Variants in DNAH11 observed in about 807,000 individuals in gnomAD.
DNAH11 encodes dynein axonemal heavy chain 11.
In DNAH11, 442 loss-of-function variants were observed where a neutral mutation model predicts 526.0. That is an observed-to-expected ratio of 0.84 (90% CI 0.78 to 0.91). The LOEUF is 0.91. Ranked by LOEUF, DNAH11 falls within the 40% of genes least tolerant of loss-of-function variation. The pLI is 0.00. For missense variants in DNAH11, 6,989 were observed against 5,448.7 expected, an observed-to-expected ratio of 1.28 and a Z score of -8.90; for synonymous variants, 2,461 against 1,935.9, an observed-to-expected ratio of 1.27 and a Z score of -7.12.
intron 6 of DNAH11, 110 bp downstream of exon 6, chr7:21,564,507 C>T: frequency 1.3e-6 from 1 of 744,100 alleles, no homozygotes. Flanking sequence ...CTTTCTTTTT[C>T]TTTTTTCAGA....
chr7:21,676,467 A>G (rs1429300781), intron 30 of DNAH11, among the ~76,000 whole-genome samples: 1 of 152,242 alleles, frequency 6.6e-6, no homozygotes, highest in South Asian at 2.1e-4. Flanking sequence ...TAGACATTTT[A>G]TAACTACATT....
chr7:21,623,553 T>C (rs1786183122), intron 25 of DNAH11, among the ~76,000 whole-genome samples: 1 of 152,116 alleles, frequency 6.6e-6, no homozygotes, highest in Admixed American at 6.5e-5. Flanking sequence ...TAGCAAAGAC[T>C]TGGAACCAAC....
At chr7:21,577,055 A>G (rs1784124012) in intron 8 of DNAH11, among the ~76,000 whole-genome samples, 1 of 152,238 alleles carries the variant, frequency 6.6e-6, no homozygotes, top group South Asian at 2.1e-4. Context: ...TCAAGAAACA[A>G]CAACGTGATG....
intron 28 of DNAH11, among the ~76,000 whole-genome samples, chr7:21,649,149 G>A (rs2128463171): frequency 6.6e-6 from 1 of 152,312 alleles, no homozygotes; most frequent in Non-Finnish European, 1.5e-5. Context: ...ACTAAACAAT[G>A]GAAAGGATGT....
At chr7:21,560,245 A>T (rs945887381) in intron 4 of DNAH11, among the ~76,000 whole-genome samples, 1 of 152,106 alleles carries the variant, frequency 6.6e-6, no homozygotes, top group Non-Finnish European at 1.5e-5. Flanking sequence ...GATTTTCTGA[A>T]ACAGAAATTT....
At chr7:21,564,132 G>GAAAA in intron 5 of DNAH11, 54 bp from the exon 6 acceptor site, 49 of 1,148,358 alleles carry the variant, frequency 4.3e-5, no homozygotes, top group Admixed American at 5.8e-5. Flanking sequence ...AGTGAATTTA[G>GAAAA]AAAAAAAAAA....
intron 30 of DNAH11, among the ~76,000 whole-genome samples, chr7:21,676,877 G>C (rs1231675590): frequency 1.3e-5 from 2 of 152,170 alleles, no homozygotes; most frequent in East Asian, 3.9e-4. Context: ...TCTCACTAAA[G>C]TGTATATTAA....
chr7:21,603,838 G>A (rs745601763), intron 18 of DNAH11, among the ~76,000 whole-genome samples: 16 of 152,180 alleles, frequency 1.1e-4, no homozygotes, highest in Middle Eastern at 3.2e-3. Context: ...ATAAGTAATT[G>A]ATGAGGGAAA....
chr7:21,849,841 T>G (rs73279813), intron 66 of DNAH11, among the ~76,000 whole-genome samples: 2 of 152,016 alleles, frequency 1.3e-5, no homozygotes, highest in African/African-American at 4.8e-5. Context: ...TCCTGGATCT[T>G]TGGTTTGGTA....
At chr7:21,590,265 C>T (rs536703024) in intron 12 of DNAH11, among the ~76,000 whole-genome samples, 19 of 152,198 alleles carry the variant, frequency 1.2e-4, no homozygotes, top group South Asian at 1.2e-3. Context: ...TTTAAACAAA[C>T]GATCTCCAAG....
chr7:21,543,844 C>T (rs187895601), intron 1 of DNAH11: 107 of 547,034 alleles, frequency 2.0e-4, no homozygotes, highest in Middle Eastern at 1.4e-3. Flanking sequence ...TGAGCCTGTT[C>T]GACCAGGATA....
chr7:21,593,954 C>G (rs1488859165), intron 14 of DNAH11, among the ~76,000 whole-genome samples: 1 of 151,414 alleles, frequency 6.6e-6, no homozygotes, highest in Non-Finnish European at 1.5e-5. Flanking sequence ...CACACATACT[C>G]TTTTTCTCTG....
Position 21,619,166 on chromosome 7 carries a change from G to A in DNAH11, c.4321G>A (p.Glu1441Lys), listed in dbSNP as rs1449876681. The A allele has an allele frequency of 6.2e-7, 1 of 1,613,582 alleles. No individual in the cohort carries two copies. Among genetic ancestry groups the A allele is most frequent in the Non-Finnish European group, 8.5e-7 (1 of 1,179,696 alleles). ...DLLALRLHRVEDDVRRIVDKA... is the reference protein window; with the variant it reads ...DLLALRLHRVKDDVRRIVDKA... Reference sequence around the variant, plus strand: ...GTTAGCACTGCGGTTACACAGAGTGGAAGATGATGTCCGAAGGATTGTGGA... The same window carrying A: ...GTTAGCACTGCGGTTACACAGAGTGAAAGATGATGTCCGAAGGATTGTGGA... The change falls in exon 24 of 82, where the codon GAA (glutamate) becomes AAA (lysine). Residue 1441 changes from glutamate (E) to lysine (K), a missense_variant. Coordinates refer to ENST00000409508, the MANE Select transcript of DNAH11 (RefSeq NM_001277115.2).
At position 21,791,639 on chromosome 7, in the gene DNAH11, A is replaced by T. The variant is rs77023479; in HGVS notation, c.10026+2297A>T. The stretch of plus-strand genomic sequence containing the variant: ...CTTCGGGCAAGCTCCTTCAGCTTAC[A>T]TTAGCTAGAAGGGAGTAGGTATTTC... On this transcript the variant is annotated intron_variant, in intron 61 of 81. Coordinates refer to ENST00000409508, the MANE Select transcript of DNAH11 (RefSeq NM_001277115.2). 1.4e-4 allele frequency among the ~76,000 whole-genome samples: 22 copies of T among 152,290 alleles called. No individual in the cohort carries two copies. The South Asian group carries it at 4.6e-3, about 32-fold the overall frequency.
rs541457452 is a variant in DNAH11 at position 21,888,711 on chromosome 7, A to G, written c.12508-3714A>G. On this transcript the variant is annotated intron_variant, in intron 76 of 81. Transcript: ENST00000409508. The stretch of plus-strand genomic sequence containing the variant: ...CACCATGTTAGTCAGGCTGGTCTTG[A>G]ACTCCTGACCTCATGATCTGCCCAC... Among the ~76,000 whole-genome samples, 10 of 151,900 alleles carry G rather than the reference A, an allele frequency of 6.6e-5. No individual in the cohort carries two copies. The South Asian group carries it at 1.9e-3, about 29-fold the overall frequency.
chr7:21,876,504 T>C (rs1783719101), intron 74 of DNAH11, among the ~76,000 whole-genome samples: 1 of 152,242 alleles, frequency 6.6e-6, no homozygotes. Flanking sequence ...AGTTAGAATG[T>C]TGGGTTGGCT....
At chr7:21,603,818 A>G (rs1055447921) in intron 18 of DNAH11, among the ~76,000 whole-genome samples, 14 of 152,346 alleles carry the variant, frequency 9.2e-5, no homozygotes, top group African/African-American at 3.1e-4. Context: ...TCATAGAGAA[A>G]GTAGTCATAA....
At chr7:21,636,719 A>G (rs1441325589) in intron 26 of DNAH11, among the ~76,000 whole-genome samples, 1 of 152,190 alleles carries the variant, frequency 6.6e-6, no homozygotes, top group Non-Finnish European at 1.5e-5. Context: ...AGCCTGGGTG[A>G]CAGAATGAGA....
intron 55 of DNAH11, among the ~76,000 whole-genome samples, chr7:21,766,739 A>G (rs1787202242): frequency 6.7e-6 from 1 of 150,220 alleles, no homozygotes; most frequent in Non-Finnish European, 1.5e-5. Context: ...CTATAGAGGT[A>G]AGTACACATG....
Sources: gnomAD v4.1 joint callset for allele counts (sites outside exome capture counted in the v4.1 genomes callset) on GRCh38, gnomAD v4.1.1 for gene constraint, MANE v1.5 for transcripts, NCBI Gene and HGNC (gene_info 2026-07-23, HGNC 2026-07-21) for gene names.